The following DPYD variants were observed in gnomAD, a reference collection of about 807,000 sequenced individuals.
DPYD encodes the protein dihydropyrimidine dehydrogenase [NADP(+)].
In DPYD, 109 loss-of-function variants were observed where a neutral mutation model predicts 116.2. That is an observed-to-expected ratio of 0.94 (90% CI 0.80 to 1.10). The LOEUF (loss-of-function observed/expected upper bound fraction) is 1.10, where lower values mean the gene tolerates loss of function less well. Among genes scored for constraint, DPYD ranks in the 50% least tolerant of loss-of-function variants. The pLI is 0.00. For synonymous variants in DPYD, 440 were observed against 432.0 expected (o/e 1.02, Z -0.23); for missense variants, 1,302 against 1,254.5 (o/e 1.04, Z -0.57).
Position 97,630,832 on chromosome 1 carries a change from T to C in DPYD, c.851-35666A>G, listed in dbSNP as rs140826000. On this transcript the variant is annotated intron_variant, in intron 8 of 22. Transcript: ENST00000370192. Reference sequence around the variant, plus strand: ...TGGTACAACTCTTATTTTGCTACTATTTTTTGATAGGGAGCAAAGTAAAGA... The same window carrying C: ...TGGTACAACTCTTATTTTGCTACTACTTTTTGATAGGGAGCAAAGTAAAGA... Among the ~76,000 whole-genome samples the C allele has an allele frequency of 4.0e-3, 603 of 152,224 alleles. 6 individuals carry two copies. Among genetic ancestry groups the C allele is most frequent in the African/African-American group, 0.014 (582 of 41,548 alleles).
At chr1:97,427,368 C>T (rs1434430219) in intron 14 of DPYD, among the ~76,000 whole-genome samples, 1 of 151,928 alleles carries the variant, frequency 6.6e-6, no homozygotes, top group Non-Finnish European at 1.5e-5. Context: ...GGCCAAATGA[C>T]TGACATTTGT....
Position 97,573,929 on chromosome 1 carries a change from G to T in DPYD, c.1170C>A (p.Phe390Leu), listed in dbSNP as rs767437717. ...AKEEKCEFLP[F>L]LSPRKVIVKG... Reference sequence around the variant, plus strand: ...TTACTATAACCTTCCGTGGGGACAGGAATGGCAGAAATTCACACTTTTCTT... The same window carrying T: ...TTACTATAACCTTCCGTGGGGACAGTAATGGCAGAAATTCACACTTTTCTT... The change falls in exon 11 of 23, where the codon TTC (phenylalanine) becomes TTA (leucine). Residue 390 changes from phenylalanine (F) to leucine (L), a missense_variant. Phe to Leu is a conservative substitution (Grantham distance 22). Coordinates refer to ENST00000370192, the MANE Select transcript of DPYD (RefSeq NM_000110.4). 1.2e-6 allele frequency: 2 copies of T among 1,613,646 alleles called. No individual in the cohort carries two copies. Among genetic ancestry groups the T allele is most frequent in the Non-Finnish European group, 1.7e-6 (2 of 1,179,652 alleles).
chr1:97,743,853 T>C (rs1179725540), intron 3 of DPYD, among the ~76,000 whole-genome samples: 2 of 152,086 alleles, frequency 1.3e-5, no homozygotes, highest in Non-Finnish European at 2.9e-5. Context: ...AGTTACTCTG[T>C]TATAGTGCAG....
At chr1:97,475,790 G>A (rs1418837829) in intron 13 of DPYD, among the ~76,000 whole-genome samples, 2 of 152,144 alleles carry the variant, frequency 1.3e-5, no homozygotes, top group African/African-American at 4.8e-5. Context: ...TCTAGCCTCA[G>A]AGATGTGAAA....
At chr1:97,351,686 A>G (rs541767194) in intron 16 of DPYD, among the ~76,000 whole-genome samples, 2 of 152,268 alleles carry the variant, frequency 1.3e-5, no homozygotes, top group Admixed American at 6.5e-5. Context: ...TTAATCTTAG[A>G]ATACAATAAG....
chr1:97,695,095 TAC>T (rs1393968071), intron 6 of DPYD, among the ~76,000 whole-genome samples: 2 of 152,176 alleles, frequency 1.3e-5, no homozygotes, highest in Non-Finnish European at 2.9e-5. Context: ...ACTCTTGTGA[TAC>T]TACAGATTCC....
At chr1:97,816,346 C>A (rs987513486) in intron 3 of DPYD, among the ~76,000 whole-genome samples, 2 of 151,592 alleles carry the variant, frequency 1.3e-5, no homozygotes, top group Non-Finnish European at 2.9e-5. Context: ...GAAAAGTATT[C>A]AAGATTCACT....
chr1:97,692,591 C>A (rs1457509390), intron 6 of DPYD, among the ~76,000 whole-genome samples: 4 of 152,146 alleles, frequency 2.6e-5, no homozygotes, highest in Non-Finnish European at 2.9e-5. Context: ...CATTCATTCA[C>A]CTACTCATTA....
At chr1:97,631,672 CACAT>C (rs1281449810) in intron 8 of DPYD, among the ~76,000 whole-genome samples, 8 of 151,892 alleles carry the variant, frequency 5.3e-5, no homozygotes, top group African/African-American at 1.9e-4. Flanking sequence ...GGAAAAGACA[CACAT>C]ACATACCACA....
intron 19 of DPYD, among the ~76,000 whole-genome samples, chr1:97,196,562 C>T (rs772122294): frequency 1.3e-5 from 2 of 152,166 alleles, no homozygotes; most frequent in Non-Finnish European, 2.9e-5. Context: ...TAAAACAATG[C>T]AATATCTAAC....
intron 18 of DPYD, among the ~76,000 whole-genome samples, chr1:97,286,843 A>C (rs1002138978): frequency 6.6e-6 from 1 of 152,146 alleles, no homozygotes; most frequent in African/African-American, 2.4e-5. Context: ...CAAAATTTTC[A>C]ACTTGTTTGC....
chr1:97,171,209 C>T (rs537654039), intron 20 of DPYD, among the ~76,000 whole-genome samples: 56 of 152,078 alleles, frequency 3.7e-4, no homozygotes, highest in Non-Finnish European at 6.6e-4. Context: ...GATCAGCCCA[C>T]GATGGCAATG....
intron 14 of DPYD, among the ~76,000 whole-genome samples, chr1:97,406,287 T>C (rs992085937): frequency 1.6e-5 from 1 of 62,604 alleles, no homozygotes; most frequent in Non-Finnish European, 5.1e-5. Flanking sequence ...TTTTTTTTTT[T>C]TTAAAATTAT....
At chr1:97,700,458 T>C (rs1661535306) in intron 5 of DPYD, among the ~76,000 whole-genome samples, 1 of 152,016 alleles carries the variant, frequency 6.6e-6, no homozygotes, top group Non-Finnish European at 1.5e-5. Flanking sequence ...AGTGTACGGC[T>C]GAAGCTTCTG....
In DPYD at chr1:97,463,843, C is replaced by G. The variant is rs1677154858; in HGVS notation, c.1741-13620G>C. Among the ~76,000 whole-genome samples the G allele has an allele frequency of 2.6e-5, 4 of 152,286 alleles. No individual in the cohort carries two copies. The South Asian group carries it at 8.3e-4, about 32-fold the overall frequency. On this transcript the variant is annotated intron_variant, in intron 13 of 22. Transcript: ENST00000370192. ...ACTTGAGAGAGATGATTTAGGGTAT[C>G]TGGCAGAAGAAAGTTCTAAGCAGCA... is the stretch of plus-strand genomic sequence containing the variant.
At chr1:97,384,135 A>T (rs778017411) in intron 14 of DPYD, among the ~76,000 whole-genome samples, 9 of 151,952 alleles carry the variant, frequency 5.9e-5, no homozygotes, top group Non-Finnish European at 8.8e-5. Context: ...AAAGACTAAG[A>T]GATTGAGACA....
intron 16 of DPYD, among the ~76,000 whole-genome samples, chr1:97,316,348 A>C (rs1667835626): frequency 1.3e-5 from 2 of 150,274 alleles, no homozygotes; most frequent in African/African-American, 4.9e-5. Flanking sequence ...AAAAGAAAAA[A>C]AAAAACAAAA....
At chr1:97,583,324 A>T (rs926929040) in intron 10 of DPYD, among the ~76,000 whole-genome samples, 4 of 151,968 alleles carry the variant, frequency 2.6e-5, no homozygotes, top group African/African-American at 9.7e-5. Context: ...TTCTTTTTTT[A>T]TTATTATTAT....
chr1:97,524,412 T>A (rs946330819), intron 12 of DPYD, among the ~76,000 whole-genome samples: 2 of 152,196 alleles, frequency 1.3e-5, no homozygotes, highest in Non-Finnish European at 2.9e-5. Context: ...CCTAATTCCA[T>A]GACTTTGTGA....
Sources: allele counts gnomAD v4.1 joint callset (sites outside exome capture counted in the v4.1 genomes callset), GRCh38; gene constraint gnomAD v4.1.1; transcripts MANE v1.5; gene names NCBI Gene and HGNC (gene_info 2026-07-23, HGNC 2026-07-21).